The following CSMD1 variants were observed in gnomAD, a reference collection of about 807,000 sequenced individuals.
The protein encoded by CSMD1 is CUB and sushi domain-containing protein 1.
Under a neutral mutation model 417.5 loss-of-function variants are expected in CSMD1, and 213 were observed. That is an observed-to-expected ratio of 0.51 (90% CI 0.46 to 0.57). The LOEUF (loss-of-function observed/expected upper bound fraction) is 0.57. Among genes scored for constraint, CSMD1 ranks in the 20% least tolerant of loss-of-function variants. The pLI is 0.00. For synonymous variants in CSMD1, 2,862 were observed against 1,736.8 expected, an observed-to-expected ratio of 1.65 and a Z score of -16.11; for missense variants, 6,923 against 4,529.7, an observed-to-expected ratio of 1.53 and a Z score of -15.17.
chr8:4,639,636 C>T (rs1282220323), intron 1 of CSMD1, among the ~76,000 whole-genome samples: 3 of 152,096 alleles, frequency 2.0e-5, no homozygotes, highest in African/African-American at 7.2e-5. Flanking sequence ...CAGATTGTGG[C>T]ATGTAGTGTA....
Position 3,574,926 on chromosome 8 carries a change from G to T in CSMD1, c.1344+19C>A. 1.2e-6 allele frequency: 2 copies of T among 1,611,088 alleles called. No individual in the cohort carries two copies. The highest frequency in any genetic ancestry group is 2.2e-5 in the East Asian group (1 of 44,844). On this transcript the variant is annotated intron_variant, in intron 10 of 69. Coordinates refer to ENST00000635120, the MANE Select transcript of CSMD1 (RefSeq NM_033225.6). Reference sequence around the variant, plus strand: ...AGTGCTGTGTGCATTAACCACAGGGGTTGGAGGCGGAGCCTTACCTTGTCC... The same window carrying T: ...AGTGCTGTGTGCATTAACCACAGGGTTTGGAGGCGGAGCCTTACCTTGTCC...
At chr8:4,646,798 G>C (rs770288445) in intron 1 of CSMD1, among the ~76,000 whole-genome samples, 1 of 152,150 alleles carries the variant, frequency 6.6e-6, no homozygotes, top group Non-Finnish European at 1.5e-5. Context: ...GCTAATACAA[G>C]CTCTCTAAGA....
intron 36 of CSMD1, among the ~76,000 whole-genome samples, chr8:3,186,933 G>T (rs1238709293): frequency 6.6e-6 from 1 of 152,150 alleles, no homozygotes; most frequent in Non-Finnish European, 1.5e-5. Context: ...GTAGAGACAG[G>T]GTTTCGCCAT....
chr8:4,057,405 T>G (rs1302799299), intron 3 of CSMD1, among the ~76,000 whole-genome samples: 2 of 152,210 alleles, frequency 1.3e-5, no homozygotes, highest in Non-Finnish European at 2.9e-5. Flanking sequence ...GTAAATTTGT[T>G]TGAGTTCATT....
intron 10 of CSMD1, among the ~76,000 whole-genome samples, chr8:3,507,432 C>G (rs990485202): frequency 2.6e-5 from 4 of 152,282 alleles, no homozygotes; most frequent in Middle Eastern, 3.4e-3. Flanking sequence ...GGTTCCAAGT[C>G]TTTGCTATTG....
chr8:3,566,312 T>A (rs1799705882), intron 10 of CSMD1, among the ~76,000 whole-genome samples: 1 of 152,098 alleles, frequency 6.6e-6, no homozygotes, highest in South Asian at 2.1e-4. Flanking sequence ...CAAATAATAT[T>A]CTAGGTGCTT....
At chr8:4,914,283 A>C (rs1436860666) in intron 1 of CSMD1, among the ~76,000 whole-genome samples, 2 of 152,166 alleles carry the variant, frequency 1.3e-5, no homozygotes, top group Non-Finnish European at 2.9e-5. Context: ...CACTTTAAAA[A>C]TTGGAAGATA....
At chr8:3,815,188 C>T (rs1315365154) in intron 5 of CSMD1, among the ~76,000 whole-genome samples, 1 of 152,154 alleles carries the variant, frequency 6.6e-6, no homozygotes, top group Non-Finnish European at 1.5e-5. Context: ...AGTCCCAGGT[C>T]AACATAGTTT....
chr8:3,348,569 G>T (rs28591544), intron 21 of CSMD1, among the ~76,000 whole-genome samples: 15,633 of 152,128 alleles, frequency 0.1, 1,060 homozygotes, highest in Non-Finnish European at 0.15. Flanking sequence ...ACCATTGTTT[G>T]TCTGCATTTT....
At chr8:3,226,238 T>C (rs1018851422) in intron 27 of CSMD1, among the ~76,000 whole-genome samples, 1 of 152,144 alleles carries the variant, frequency 6.6e-6, no homozygotes, top group Non-Finnish European at 1.5e-5. Flanking sequence ...GGAAAAGCAA[T>C]TGCAGGCTAT....
At chr8:3,516,574 G>A (rs1449696727) in intron 10 of CSMD1, among the ~76,000 whole-genome samples, 1 of 152,102 alleles carries the variant, frequency 6.6e-6, no homozygotes, top group Non-Finnish European at 1.5e-5. Flanking sequence ...AAATCTTTCA[G>A]TGGCCACAGA....
intron 41 of CSMD1, among the ~76,000 whole-genome samples, chr8:3,141,184 G>A (rs1012324497): frequency 6.6e-6 from 1 of 152,162 alleles, no homozygotes; most frequent in African/African-American, 2.4e-5. Flanking sequence ...AGTGTGTGCA[G>A]GTGGGATGGG....
chr8:3,711,136 T>A (rs947072617), intron 6 of CSMD1, among the ~76,000 whole-genome samples: 1 of 152,194 alleles, frequency 6.6e-6, no homozygotes, highest in Non-Finnish European at 1.5e-5. Flanking sequence ...CTCCTGGGTA[T>A]TTTAAAAGGG....
intron 1 of CSMD1, among the ~76,000 whole-genome samples, chr8:4,672,846 C>G (rs1003958497): frequency 6.6e-6 from 1 of 151,972 alleles, no homozygotes; most frequent in Non-Finnish European, 1.5e-5. Context: ...TATGTAGTGA[C>G]GTACACATAT....
chr8:4,632,526 G>T (rs938154796), intron 2 of CSMD1, among the ~76,000 whole-genome samples: 4 of 151,966 alleles, frequency 2.6e-5, no homozygotes, highest in African/African-American at 9.7e-5. Flanking sequence ...GGTAGGGGGA[G>T]CAGGGAAAAA....
At chr8:4,968,256 G>A (rs932036671) in intron 1 of CSMD1, among the ~76,000 whole-genome samples, 4 of 108,686 alleles carry the variant, frequency 3.7e-5, no homozygotes, top group Non-Finnish European at 8.5e-5. Context: ...ATATTATGGA[G>A]AGCTAACTAC....
At chr8:3,549,974 TAAAG>T (rs1798838653) in intron 10 of CSMD1, among the ~76,000 whole-genome samples, 2 of 152,192 alleles carry the variant, frequency 1.3e-5, no homozygotes, top group African/African-American at 4.8e-5. Context: ...GATCTAGACA[TAAAG>T]AGTTAATATA....
At chr8:3,491,177 G>C (rs1354315982) in intron 11 of CSMD1, among the ~76,000 whole-genome samples, 1 of 152,030 alleles carries the variant, frequency 6.6e-6, no homozygotes, top group African/African-American at 2.4e-5. Flanking sequence ...ACTGTCAAAG[G>C]GAACCAGGTA....
chr8:4,943,797 C>T (rs140112157), intron 1 of CSMD1, among the ~76,000 whole-genome samples: 77 of 152,220 alleles, frequency 5.1e-4, no homozygotes, highest in African/African-American at 1.7e-3. Context: ...TAGAAAAAAT[C>T]CCTTATGAAC....
Sources: gnomAD v4.1 joint callset for allele counts (sites outside exome capture counted in the v4.1 genomes callset) on GRCh38, gnomAD v4.1.1 for gene constraint, MANE v1.5 for transcripts, NCBI Gene and HGNC (gene_info 2026-07-23, HGNC 2026-07-21) for gene names.